MALRD1: variants seen among roughly 807,000 people sequenced by gnomAD.
The protein encoded by MALRD1 is MAM and LDL receptor class A domain containing 1.
A neutral mutation model predicts 242.1 loss-of-function variants in MALRD1; 247 were observed. The ratio of observed to expected loss-of-function variants is 1.02; its 90% confidence interval spans 0.92 to 1.13. The LOEUF (loss-of-function observed/expected upper bound fraction) is 1.13, where lower values mean the gene tolerates loss of function less well. MALRD1 is among the 50% of genes most tolerant of loss of function. The pLI, the probability that MALRD1 is intolerant of heterozygous loss-of-function variation, is 0.00. For synonymous variants in MALRD1, 995 were observed against 866.6 expected (o/e 1.15, Z -2.60); for missense variants, 2,989 against 2,533.1 (o/e 1.18, Z -3.86).
At chr10:19,222,841 T>C (rs540962506) in intron 18 of MALRD1, among the ~76,000 whole-genome samples, 1 of 152,216 alleles carries the variant, frequency 6.6e-6, no homozygotes. Context: ...TTATCTTCAG[T>C]GGAAAATCAA....
intron 28 of MALRD1, among the ~76,000 whole-genome samples, chr10:19,448,452 C>A (rs1311018409): frequency 1.3e-5 from 2 of 151,980 alleles, no homozygotes; most frequent in African/African-American, 4.8e-5. Context: ...TTTTTCTTTG[C>A]CAAATATCCA....
chr10:19,274,032 T>A (rs1230424662), intron 19 of MALRD1, among the ~76,000 whole-genome samples: 1 of 152,190 alleles, frequency 6.6e-6, no homozygotes, highest in Non-Finnish European at 1.5e-5. Context: ...CTGGTGGGAC[T>A]GTAAAGTGGT....
In MALRD1 at chr10:19,136,773, C is replaced by T; in HGVS notation, c.1403C>T (p.Ala468Val). 1 of 1,231,600 alleles carries T rather than the reference C, an allele frequency of 8.1e-7. No individual in the cohort carries two copies. Among genetic ancestry groups the T allele is most frequent in the African/African-American group, 1.5e-5 (1 of 64,522 alleles). 76.3% of individuals were successfully genotyped at this position (1,231,600 alleles called of 1,614,324 possible). Residue 468 changes from alanine to valine, a missense_variant, in exon 10 of 40, where the codon GCA becomes GTA. Ala to Val is a moderately conservative substitution (Grantham distance 64, BLOSUM62 0). Transcript: ENST00000454679. ...DCSDESDEDP[A>V]TCSKHLTCDF... Reference sequence around the variant, plus strand: ...TCCGATGAGAGTGATGAAGACCCAGCAACTTGCTGTAAGTGAGTGAATGGC... The same window carrying T: ...TCCGATGAGAGTGATGAAGACCCAGTAACTTGCTGTAAGTGAGTGAATGGC...
At chr10:19,364,404 T>C (rs912615052) in intron 26 of MALRD1, among the ~76,000 whole-genome samples, 3 of 152,132 alleles carry the variant, frequency 2.0e-5, no homozygotes, top group Non-Finnish European at 2.9e-5. Flanking sequence ...ACAATTTGGT[T>C]GTTTCTTAGG....
At chr10:19,125,372 T>C (rs1210514837) in intron 7 of MALRD1, among the ~76,000 whole-genome samples, 2 of 119,150 alleles carry the variant, frequency 1.7e-5, no homozygotes, top group Admixed American at 8.4e-5. Context: ...TTTCTTTCTT[T>C]CTTTCTTTCC....
At chr10:19,628,066 A>T in intron 36 of MALRD1, among the ~76,000 whole-genome samples, 1 of 150,264 alleles carries the variant, frequency 6.7e-6, no homozygotes, top group South Asian at 2.1e-4. Context: ...CTAATGAATA[A>T]ATAAGTGCAA....
chr10:19,375,720 C>G, intron 26 of MALRD1, among the ~76,000 whole-genome samples: 1 of 152,078 alleles, frequency 6.6e-6, no homozygotes, highest in East Asian at 1.9e-4. Context: ...GAAAGCCACA[C>G]GCTAACAAAA....
chr10:19,518,550 T>C (rs1833739059), intron 31 of MALRD1, among the ~76,000 whole-genome samples: 1 of 152,216 alleles, frequency 6.6e-6, no homozygotes, highest in African/African-American at 2.4e-5. Context: ...TGATAACATC[T>C]CTATAATGAC....
intron 5 of MALRD1, among the ~76,000 whole-genome samples, chr10:19,116,394 C>A (rs1836870597): frequency 6.6e-6 from 1 of 152,158 alleles, no homozygotes. Context: ...TATATATTAT[C>A]CAGTTAAATA....
rs1423682938 is a variant in MALRD1 at position 19,211,117 on chromosome 10, C to T, written c.2991+1437C>T. 3.3e-5 allele frequency among the ~76,000 whole-genome samples: 5 copies of T among 152,046 alleles called. No homozygotes were observed. The South Asian group carries it at 8.3e-4, about 25-fold the overall frequency. On this transcript the variant is annotated intron_variant, in intron 18 of 39. Coordinates refer to ENST00000454679, the MANE Select transcript of MALRD1 (RefSeq NM_001142308.3). ...TCAAGCTAGTATGTAGTGGATAAGCCCTTCTTATGATATTTACTCAAGGAT... is the reference window on the plus strand; with the variant it reads ...TCAAGCTAGTATGTAGTGGATAAGCTCTTCTTATGATATTTACTCAAGGAT...
intron 18 of MALRD1, among the ~76,000 whole-genome samples, chr10:19,238,755 G>T (rs1006235350): frequency 4.0e-5 from 6 of 149,760 alleles, no homozygotes; most frequent in Admixed American, 2.7e-4. Flanking sequence ...GTGATCGAAT[G>T]ATTGTTTTTT....
chr10:19,154,959 A>T, intron 11 of MALRD1, 116 bp from the exon 12 acceptor site: 1 of 483,968 alleles, frequency 2.1e-6, no homozygotes, highest in Non-Finnish European at 3.3e-6. Flanking sequence ...ACATGTAAAA[A>T]ATGTACTTTT....
intron 36 of MALRD1, among the ~76,000 whole-genome samples, chr10:19,691,884 C>T (rs539518791): frequency 4.6e-5 from 7 of 152,196 alleles, no homozygotes; most frequent in African/African-American, 1.7e-4. Context: ...TTTGAATCTG[C>T]TCTGTTGGTT....
intron 33 of MALRD1, among the ~76,000 whole-genome samples, chr10:19,587,804 G>C (rs1000776377): frequency 6.6e-6 from 1 of 152,016 alleles, no homozygotes; most frequent in Non-Finnish European, 1.5e-5. Flanking sequence ...AATTGGAACT[G>C]TCTGCATAGC....
intron 14 of MALRD1, among the ~76,000 whole-genome samples, chr10:19,197,345 T>C (rs1262317813): frequency 2.1e-5 from 3 of 141,660 alleles, no homozygotes; most frequent in Non-Finnish European, 4.6e-5. Flanking sequence ...GCAGTATTCT[T>C]CCCCTTCCTT....
At chr10:19,316,079 CGT>C (rs1842694045) in intron 21 of MALRD1, among the ~76,000 whole-genome samples, 1 of 149,762 alleles carries the variant, frequency 6.7e-6, no homozygotes, top group East Asian at 2.0e-4. Flanking sequence ...AGTAAATTTA[CGT>C]AATTTACTAA....
chr10:19,452,721 T>C (rs1387568623), intron 29 of MALRD1, among the ~76,000 whole-genome samples: 1 of 152,216 alleles, frequency 6.6e-6, no homozygotes. Context: ...ACATGGATGA[T>C]CAGAAGGAGC....
intron 33 of MALRD1, among the ~76,000 whole-genome samples, chr10:19,589,177 AGATAGATAGATAGATAGATGGGTG>A (rs1379760309): frequency 1.3e-5 from 2 of 152,094 alleles, no homozygotes; most frequent in African/African-American, 2.4e-5. Context: ...TATTGGTCCA[AGATAGATAGATAGATAGATGGGTG>A]GATAGATAGA....
rs187038103 is a variant in MALRD1, at chr10:19,182,573, G to A, written c.1951+7245G>A. On this transcript the variant is annotated intron_variant, in intron 14 of 39. Transcript: ENST00000454679. The stretch of plus-strand genomic sequence containing the variant: ...TCTCGATCTCCTGACCTCGTAATCC[G>A]TCCGCCTCAGCCTCCCAAAGTGCTG... Among the ~76,000 whole-genome samples, 1,025 of 151,596 alleles carry A rather than the reference G, an allele frequency of 6.8e-3. 13 individuals carry two copies. Among genetic ancestry groups the A allele is most frequent in the African/African-American group, 0.023 (962 of 41,320 alleles).
Sources: allele counts gnomAD v4.1 joint callset (sites outside exome capture counted in the v4.1 genomes callset), GRCh38; gene constraint gnomAD v4.1.1; transcripts MANE v1.5; gene names NCBI Gene and HGNC (gene_info 2026-07-23, HGNC 2026-07-21).